Variants in RBFOX3 observed in about 807,000 individuals in gnomAD.
RBFOX3 encodes the protein RNA binding fox-1 homolog 3.
A neutral mutation model predicts 48.7 loss-of-function variants in RBFOX3; 17 were observed. That is an observed-to-expected ratio of 0.35 (90% CI 0.24 to 0.52). The LOEUF is 0.52. Among genes scored for constraint, RBFOX3 ranks in the 20% least tolerant of loss-of-function variants. The probability of loss-of-function intolerance (pLI) is 0.94; values close to 1 mark genes in which losing one functional copy is unlikely to be tolerated. For missense variants in RBFOX3, 382 were observed against 497.5 expected (o/e 0.77, Z 2.21); for synonymous variants, 212 against 209.5 (o/e 1.01, Z -0.10).
intron 4 of RBFOX3, among the ~76,000 whole-genome samples, chr17:79,129,510 T>C (rs1311262293): frequency 9.6e-6 from 1 of 103,678 alleles, no homozygotes; most frequent in African/African-American, 3.2e-5. Flanking sequence ...GCTGAGCCAG[T>C]TGTCCAGGCT....
In RBFOX3 at chr17:79,421,311, G is replaced by A. The variant is rs558594979; in HGVS notation, c.-175+61143C>T. The stretch of plus-strand genomic sequence containing the variant: ...CCGAGGTCCTCTAGCAAACAACCGG[G>A]CCTGAGAGTGGTTCTGGAAGCCTCT... On this transcript the variant is annotated intron_variant, in intron 2 of 14. Transcript: ENST00000693108. This position sits in a 1 kb window ranked among gnomAD's most constrained non-coding sequence, Gnocchi z 4.5. Among the ~76,000 whole-genome samples, 2 of 152,336 alleles carry A rather than the reference G, an allele frequency of 1.3e-5. No individual in the cohort carries two copies. Among genetic ancestry groups the A allele is most frequent in the African/African-American group, 4.8e-5 (2 of 41,576 alleles).
chr17:79,161,784 G>A (rs1010860151), intron 4 of RBFOX3, among the ~76,000 whole-genome samples: 6 of 152,096 alleles, frequency 3.9e-5, no homozygotes, highest in African/African-American at 1.4e-4. Context: ...TCCTAGAGAC[G>A]GGGTTTCACC....
intron 4 of RBFOX3, among the ~76,000 whole-genome samples, chr17:79,137,666 C>CGG (rs61113464): frequency 6.6e-6 from 1 of 152,018 alleles, no homozygotes; most frequent in Admixed American, 6.5e-5. Context: ...GGGAGGGTGT[C>CGG]GGGGGAGGAG....
At position 79,111,295 on chromosome 17, in the gene RBFOX3, C is replaced by A. The variant is rs781065420; in HGVS notation, c.222+4199G>T. Among the ~76,000 whole-genome samples the A allele has an allele frequency of 1.3e-5, 2 of 152,124 alleles. No individual in the cohort carries two copies. The highest frequency in any genetic ancestry group is 2.1e-4 in the South Asian group (1 of 4,830). ...TGGCCCCTCAGACATCAGGCCCTTG[C>A]GGCCCACGTGGGGTCCCTTCTGGCA... On this transcript the variant is annotated intron_variant, in intron 5 of 14. Coordinates refer to ENST00000693108, the MANE Select transcript of RBFOX3 (RefSeq NM_001350451.2). This position sits in a 1 kb window ranked among gnomAD's most constrained non-coding sequence, Gnocchi z 4.2.
At chr17:79,661,401 T>C in the RBFOX3 span, among the ~76,000 whole-genome samples, 1 of 152,232 alleles carries the variant, frequency 6.6e-6, no homozygotes, top group South Asian at 2.1e-4. Context: ...GTGAGGTTCA[T>C]AGAGTATAGA....
At position 79,199,738 on chromosome 17, in the gene RBFOX3, T is replaced by TTGC. The variant is rs2056423805; in HGVS notation, c.-34+36025_-34+36027dup. 2.0e-5 allele frequency among the ~76,000 whole-genome samples: 3 copies of TTGC among 152,210 alleles called. No individual in the cohort carries two copies. In the South Asian group the frequency reaches 6.2e-4, roughly 32 times the overall value. On this transcript the variant is annotated intron_variant, in intron 4 of 14. Coordinates refer to ENST00000693108, the MANE Select transcript of RBFOX3 (RefSeq NM_001350451.2). This position sits in a 1 kb window ranked among gnomAD's most constrained non-coding sequence, Gnocchi z 5.1. Reference sequence around the variant, plus strand: ...TGACCATATTGACACAGATATGACATTGCTGCTGCTGTAGGATTTCTGAAG... The same window carrying TTGC: ...TGACCATATTGACACAGATATGACATTGCTGCTGCTGCTGTAGGATTTCTGAAG...
At chr17:79,251,093 G>A (rs57797011) in intron 3 of RBFOX3, among the ~76,000 whole-genome samples, 6,182 of 152,054 alleles carry the variant, frequency 0.041, 147 homozygotes, top group East Asian at 0.12. Context: ...GTGAGCTGCC[G>A]CGCCCGGCCT....
At chr17:79,101,044 G>A (rs1409908472) in intron 9 of RBFOX3, among the ~76,000 whole-genome samples, 1 of 152,044 alleles carries the variant, frequency 6.6e-6, no homozygotes, top group Admixed American at 6.5e-5. Context: ...TCCTCATGGT[G>A]CTTAAAGGTG....
chr17:79,377,210 G>A (rs2059320186), intron 2 of RBFOX3, among the ~76,000 whole-genome samples: 1 of 150,684 alleles, frequency 6.6e-6, no homozygotes, highest in Non-Finnish European at 1.5e-5. Flanking sequence ...TGTACACAAA[G>A]ATACACACAC....
At chr17:79,340,357 G>C (rs189765021) in intron 2 of RBFOX3, among the ~76,000 whole-genome samples, 151 of 151,812 alleles carry the variant, frequency 9.9e-4, no homozygotes, top group African/African-American at 3.6e-3. Context: ...TCTATGTTGG[G>C]AGCCAGGCTG....
chr17:79,104,708 G>A (rs1370690547), intron 6 of RBFOX3, among the ~76,000 whole-genome samples: 1 of 152,178 alleles, frequency 6.6e-6, no homozygotes, highest in East Asian at 1.9e-4. Flanking sequence ...AGAAAGTGCT[G>A]GGGTCAGGAA....
At chr17:79,177,521 T>A (rs2050850603) in intron 4 of RBFOX3, among the ~76,000 whole-genome samples, 1 of 152,154 alleles carries the variant, frequency 6.6e-6, no homozygotes. Context: ...GGCCGTCAGC[T>A]TACCCCCCTC....
At chr17:79,373,380 C>T (rs1305306399) in intron 2 of RBFOX3, among the ~76,000 whole-genome samples, 1 of 152,210 alleles carries the variant, frequency 6.6e-6, no homozygotes, top group African/African-American at 2.4e-5. Context: ...CCCTACCAGG[C>T]ACTCGGGCTG....
chr17:79,356,360 T>G (rs1239084466), intron 2 of RBFOX3, among the ~76,000 whole-genome samples: 5 of 68,312 alleles, frequency 7.3e-5, no homozygotes, highest in African/African-American at 1.3e-4. Context: ...TTTTTTTTTT[T>G]TTTTTTTTTT....
At chr17:79,625,298 C>G in the RBFOX3 span, among the ~76,000 whole-genome samples, 1 of 152,172 alleles carries the variant, frequency 6.6e-6, no homozygotes, top group South Asian at 2.1e-4. Context: ...CTTCCCTCAG[C>G]ACCATTCCCC....
At chr17:79,603,455 C>A (rs1039074512) in intron 1 of RBFOX3, among the ~76,000 whole-genome samples, 1 of 152,206 alleles carries the variant, frequency 6.6e-6, no homozygotes, top group Non-Finnish European at 1.5e-5. Context: ...TTACTTCTTT[C>A]TGCCTGGCTT....
Position 79,327,620 on chromosome 17 carries a change from C to G in RBFOX3, c.-174-19796G>C, listed in dbSNP as rs115855679. Reference sequence around the variant, plus strand: ...AAAAACTACAGTCCTACCTGCCTCACCTGGGAGCTCACCTGTGGCTTTTTC... The same window carrying G: ...AAAAACTACAGTCCTACCTGCCTCAGCTGGGAGCTCACCTGTGGCTTTTTC... On this transcript the variant is annotated intron_variant, in intron 2 of 14. Transcript: ENST00000693108. Among the ~76,000 whole-genome samples the G allele has an allele frequency of 6.8e-3, 1,029 of 152,350 alleles. 8 individuals are homozygous for G. The highest frequency in any genetic ancestry group is 0.024 in the African/African-American group (982 of 41,578).
chr17:79,113,528 G>A (rs996119956), intron 5 of RBFOX3, among the ~76,000 whole-genome samples: 6 of 152,166 alleles, frequency 3.9e-5, no homozygotes, highest in Admixed American at 2.0e-4. Context: ...GGTCAAGGCC[G>A]TCTGTCCATC....
intron 2 of RBFOX3, among the ~76,000 whole-genome samples, chr17:79,381,586 C>A (rs1170024449): frequency 6.6e-6 from 1 of 151,976 alleles, no homozygotes. Context: ...AACCCACACA[C>A]CGGGCCTGGC....
Sources: allele counts gnomAD v4.1 joint callset (sites outside exome capture counted in the v4.1 genomes callset), GRCh38; gene constraint gnomAD v4.1.1; non-coding constraint Gnocchi (gnomAD v3.1); transcripts MANE v1.5; gene names NCBI Gene and HGNC (gene_info 2026-07-23, HGNC 2026-07-21).